Variants in NOP9 observed in about 807,000 individuals in gnomAD.
NOP9 encodes NOP9 nucleolar protein, also known as nucleolar protein 9.
In NOP9, 50 loss-of-function variants were observed where a neutral mutation model predicts 63.0. The observed-to-expected ratio is 0.79, with a 90% CI of 0.63 to 1.00. The LOEUF (loss-of-function observed/expected upper bound fraction) is 1.00. Among genes scored for constraint, NOP9 ranks in the 50% least tolerant of loss-of-function variants. The pLI is 0.00. For synonymous variants in NOP9, 343 were observed against 332.8 expected (o/e 1.03, Z -0.33); for missense variants, 758 against 803.0 (o/e 0.94, Z 0.68).
chr14:24,301,476 C>T (rs1269496684), intron 2 of NOP9, 136 bp from the exon 3 acceptor site: 1 of 1,020,248 alleles, frequency 9.8e-7, no homozygotes, highest in South Asian at 1.7e-5. Context: ...TCAGTTCAGT[C>T]ATCCAGAAGA....
rs913330740 is a variant in NOP9 at position 24,306,008 on chromosome 14, A to G, written c.*913A>G. On this transcript the variant is annotated 3_prime_UTR_variant, in exon 10 of 10. Coordinates refer to ENST00000267425, the MANE Select transcript of NOP9 (RefSeq NM_174913.3). ...CAACTCATAGAGTAGAGCCCGTAGA[A>G]TGTGGCTTTGACATTCAGGCTGCCA... 6.2e-7 allele frequency: 1 copy of G among 1,614,038 alleles called. No homozygotes were observed. Among genetic ancestry groups the G allele is most frequent in the African/African-American group, 1.3e-5 (1 of 74,916 alleles).
chr14:24,280,489 A>G, the NOP9 span, among the ~76,000 whole-genome samples: 4 of 152,264 alleles, frequency 2.6e-5, no homozygotes, highest in South Asian at 4.1e-4. Context: ...GCTGTGAACT[A>G]CCTACCCAAG....
upstream of NOP9, chr14:24,296,867 C>T (rs756858078): frequency 6.8e-6 from 11 of 1,614,086 alleles, no homozygotes; most frequent in Non-Finnish European, 9.3e-6. Context: ...CACATTGGCC[C>T]CCGAGGGATT....
At chr14:24,275,909 G>T in the NOP9 span, among the ~76,000 whole-genome samples, 11 of 152,222 alleles carry the variant, frequency 7.2e-5, no homozygotes, top group Non-Finnish European at 1.2e-4. Context: ...AGCTTACAGT[G>T]GCGTGTAGCA....
chr14:24,300,928 C>T (rs2041365656), intron 2 of NOP9, 71 bp downstream of exon 2: 1 of 1,273,998 alleles, frequency 7.8e-7, no homozygotes, highest in Admixed American at 2.1e-5. Context: ...AGACAGTAAA[C>T]AGAAGAGTAA....
chr14:24,306,606 T>C lies in NOP9; in HGVS notation c.*1511T>C, dbSNP rs1488273341. The C allele has an allele frequency of 3.2e-6, 5 of 1,571,430 alleles. No individual in the cohort carries two copies. The highest frequency in any genetic ancestry group is 3.4e-5 in the Admixed American group (2 of 59,126). On this transcript the variant is annotated 3_prime_UTR_variant, in exon 10 of 10. Coordinates refer to ENST00000267425, the MANE Select transcript of NOP9 (RefSeq NM_174913.3). The stretch of plus-strand genomic sequence containing the variant: ...AGCTGCCCAACATCCATCAGTTGGC[T>C]CTAGACATTGGTCGATGTCCCACTT...
upstream of NOP9, among the ~76,000 whole-genome samples, chr14:24,297,335 G>C (rs964581901): frequency 2.0e-5 from 3 of 152,096 alleles, no homozygotes; most frequent in South Asian, 4.1e-4. Context: ...CAATGCTCCT[G>C]GTTGGTAATT....
At position 24,307,739 on chromosome 14, in the gene NOP9, T is replaced by C; in HGVS notation, c.*2644T>C. The stretch of plus-strand genomic sequence containing the variant: ...GGAGAGGAAGGGGTACTGGTTAGTC[T>C]CCTAGGGGCTGAGTGGAGTATTGTT... On this transcript the variant is annotated 3_prime_UTR_variant, in exon 10 of 10. Coordinates refer to ENST00000267425, the MANE Select transcript of NOP9 (RefSeq NM_174913.3). The C allele has an allele frequency of 6.9e-7, 1 of 1,459,168 alleles. No individual in the cohort carries two copies. Among genetic ancestry groups the C allele is most frequent in the East Asian group, 2.4e-5 (1 of 40,902 alleles). The allele number at this position is 1,459,168 out of a possible 1,614,324, so 90.4% of individuals were successfully genotyped here. A position where few individuals can be genotyped will look rare whatever the true frequency, so the allele number is the denominator to read the frequency against.
the NOP9 span, among the ~76,000 whole-genome samples, chr14:24,273,297 G>C: frequency 1.3e-5 from 2 of 151,618 alleles, no homozygotes; most frequent in South Asian, 2.1e-4. Flanking sequence ...TCCTGCCTCA[G>C]CCTCTGGAGT....
the NOP9 span, among the ~76,000 whole-genome samples, chr14:24,285,035 G>A: frequency 6.6e-6 from 1 of 152,188 alleles, no homozygotes; most frequent in Non-Finnish European, 1.5e-5. Context: ...CCTCGGTCCA[G>A]CCCTGCACCC....
At position 24,307,853 on chromosome 14, in the gene NOP9, C is replaced by A; in HGVS notation, c.*2758C>A. ...CACTGGGGTTCAGAGCTGAGAGGTA[C>A]TCCATGGTGGACCGGAGAGTTCCTT... On this transcript the variant is annotated 3_prime_UTR_variant, in exon 10 of 10. Coordinates refer to ENST00000267425, the MANE Select transcript of NOP9 (RefSeq NM_174913.3). The A allele has an allele frequency of 1.3e-6, 2 of 1,592,856 alleles. No homozygotes were observed. The highest frequency in any genetic ancestry group is 1.7e-6 in the Non-Finnish European group (2 of 1,169,198).
chr14:24,307,921 C>T lies in NOP9; in HGVS notation c.*2826C>T, dbSNP rs2041571225. ...TGGGTGGTTCTCTCCTGTGCTGGGG[C>T]TTTAGTGGTGTTTTCTGTTACAAAC... On this transcript the variant is annotated 3_prime_UTR_variant, in exon 10 of 10. Coordinates refer to ENST00000267425, the MANE Select transcript of NOP9 (RefSeq NM_174913.3). The T allele has an allele frequency of 2.1e-6, 3 of 1,426,422 alleles. No homozygotes were observed. Among genetic ancestry groups the T allele is most frequent in the South Asian group, 2.4e-5 (2 of 81,682 alleles). The allele number at this position is 1,426,422 out of a possible 1,614,324, so 88.4% of individuals were successfully genotyped here.
At position 24,305,154 on chromosome 14, in the gene NOP9, T is replaced by G; in HGVS notation, c.*59T>G. ...AGGGCAAAATGGGGTATCCACCCCATCCCTTTCCTGGTTTAAATTGGAGTC... is the reference window on the plus strand; with the variant it reads ...AGGGCAAAATGGGGTATCCACCCCAGCCCTTTCCTGGTTTAAATTGGAGTC... On this transcript the variant is annotated 3_prime_UTR_variant, in exon 10 of 10. Transcript: ENST00000267425. 7.3e-7 allele frequency: 1 copy of G among 1,361,268 alleles called. No homozygotes were observed. Among genetic ancestry groups the G allele is most frequent in the Non-Finnish European group, 9.6e-7 (1 of 1,040,686 alleles). 84.3% of individuals were successfully genotyped at this position (1,361,268 alleles called of 1,614,324 possible).
chr14:24,305,960 T>C lies in NOP9; in HGVS notation c.*865T>C, dbSNP rs2041490370. On this transcript the variant is annotated 3_prime_UTR_variant, in exon 10 of 10. Transcript: ENST00000267425. ...TTGATTTCTGACCTGAGTACTTTCT[T>C]TGGGCCAAGTCCTTGAAAGTCACAA... The C allele has an allele frequency of 6.2e-7, 1 of 1,613,662 alleles. No homozygotes were observed. The highest frequency in any genetic ancestry group is 1.1e-5 in the South Asian group (1 of 91,068).
At chr14:24,296,625 G>C, upstream of NOP9, 1 of 1,613,758 alleles carries the variant, frequency 6.2e-7, no homozygotes, top group Non-Finnish European at 8.5e-7. Context: ...TGATCTGAAG[G>C]TAGGGAGGTG....
the NOP9 span, among the ~76,000 whole-genome samples, chr14:24,277,043 G>C: frequency 3.9e-5 from 6 of 152,270 alleles, no homozygotes; most frequent in South Asian, 8.3e-4. Context: ...TGTGGCTGTG[G>C]GGGGGCAGTG....
At chr14:24,290,795 G>C in the NOP9 span, 5 of 1,598,528 alleles carry the variant, frequency 3.1e-6, no homozygotes, top group East Asian at 1.1e-4. Context: ...GTTTCACTGA[G>C]ACAGGACGAA....
the NOP9 span, among the ~76,000 whole-genome samples, chr14:24,275,525 C>G: frequency 1.3e-5 from 2 of 152,172 alleles, no homozygotes; most frequent in East Asian, 3.9e-4. Context: ...GTCTTTCCAC[C>G]CCTGCCAATT....
chr14:24,301,477 A>G, intron 2 of NOP9, 135 bp from the exon 3 acceptor site: 1 of 1,053,630 alleles, frequency 9.5e-7, no homozygotes, highest in Middle Eastern at 2.1e-4. Context: ...CAGTTCAGTC[A>G]TCCAGAAGAG....
Sources: gnomAD v4.1 joint callset for allele counts (sites outside exome capture counted in the v4.1 genomes callset) on GRCh38, gnomAD v4.1.1 for gene constraint, MANE v1.5 for transcripts, NCBI Gene and HGNC (gene_info 2026-07-23, HGNC 2026-07-21) for gene names.